The following ME3 variants were observed in gnomAD, a reference collection of about 807,000 sequenced individuals.
ME3 encodes NADP-dependent malic enzyme, mitochondrial.
A neutral mutation model predicts 68.9 loss-of-function variants in ME3; 48 were observed. The ratio of observed to expected loss-of-function variants is 0.70; its 90% CI spans 0.55 to 0.89. The LOEUF is 0.89. Ranked by LOEUF, ME3 falls within the 40% of genes least tolerant of loss-of-function variation. The pLI is 0.00. For missense variants in ME3, 675 were observed against 797.4 expected, an observed-to-expected ratio of 0.85 and a Z score of 1.85; for synonymous variants, 320 against 318.8, an observed-to-expected ratio of 1.00 and a Z score of -0.04.
At chr11:86,469,856 T>G (rs2138778249) in intron 7 of ME3, among the ~76,000 whole-genome samples, 1 of 151,844 alleles carries the variant, frequency 6.6e-6, no homozygotes, top group Non-Finnish European at 1.5e-5. Context: ...TTTTGTTTTT[T>G]TTTTTTTCCC....
intron 7 of ME3, among the ~76,000 whole-genome samples, chr11:86,469,634 T>C (rs661328): frequency 0.31 from 46,965 of 152,004 alleles, 7,549 homozygotes; most frequent in Non-Finnish European, 0.33. Flanking sequence ...CTCTTCACCC[T>C]CCAGCCCTGG....
chr11:86,493,420 C>G (rs1405823518), intron 6 of ME3, among the ~76,000 whole-genome samples: 1 of 152,222 alleles, frequency 6.6e-6, no homozygotes, highest in African/African-American at 2.4e-5. Flanking sequence ...CCCGGGATTC[C>G]CCCACCCTGC....
chr11:86,447,855 C>CA (rs35352939), intron 11 of ME3, among the ~76,000 whole-genome samples: 32,657 of 119,672 alleles, frequency 0.27, 5,095 homozygotes, highest in Non-Finnish European at 0.35. Context: ...TAAACTCTGT[C>CA]AAAAAAAAAA....
chr11:86,550,854 T>A (rs546629954), intron 4 of ME3, among the ~76,000 whole-genome samples: 1 of 151,990 alleles, frequency 6.6e-6, no homozygotes, highest in East Asian at 1.9e-4. Flanking sequence ...TTTTCCAGAG[T>A]GGCTTTGATC....
At chr11:86,589,082 A>G (rs1189927461) in intron 2 of ME3, among the ~76,000 whole-genome samples, 1 of 152,210 alleles carries the variant, frequency 6.6e-6, no homozygotes, top group Admixed American at 6.5e-5. Flanking sequence ...GGTTGGGAAG[A>G]AATCTCATTG....
intron 7 of ME3, among the ~76,000 whole-genome samples, chr11:86,484,586 T>C (rs538220105): frequency 6.6e-6 from 1 of 152,328 alleles, no homozygotes; most frequent in East Asian, 1.9e-4. Flanking sequence ...TGAGGATAGT[T>C]TGAACAGCTT....
At chr11:86,532,172 G>A (rs1955298631) in intron 4 of ME3, among the ~76,000 whole-genome samples, 1 of 152,064 alleles carries the variant, frequency 6.6e-6, no homozygotes, top group Non-Finnish European at 1.5e-5. Context: ...CATCAAGAGG[G>A]TGTAACTTCT....
chr11:86,540,878 G>C (rs1420013806), intron 4 of ME3, among the ~76,000 whole-genome samples: 1 of 152,186 alleles, frequency 6.6e-6, no homozygotes, highest in Non-Finnish European at 1.5e-5. Flanking sequence ...GCTCCAGTCT[G>C]TAGCTCCCAG....
At chr11:86,501,175 T>TATAATAATAATAATAATAATAGTA (rs5793199) in intron 5 of ME3, among the ~76,000 whole-genome samples, 1 of 147,138 alleles carries the variant, frequency 6.8e-6, no homozygotes, top group South Asian at 2.1e-4. Flanking sequence ...ATAAAATGCA[T>TATAATAATAATAATAATAATAGTA]ATAATAATAA....
intron 7 of ME3, among the ~76,000 whole-genome samples, chr11:86,475,872 T>TAGAGAGAGAGAGAG (rs1317802075): frequency 2.4e-4 from 25 of 103,738 alleles, no homozygotes; most frequent in South Asian, 6.5e-4. Flanking sequence ...TATATATATA[T>TAGAGAGAGAGAGAG]ATAGAGAGAG....
chr11:86,504,337 A>G (rs1040359414), intron 5 of ME3, among the ~76,000 whole-genome samples: 1 of 147,968 alleles, frequency 6.8e-6, no homozygotes, highest in Non-Finnish European at 1.5e-5. Flanking sequence ...CAGACAAGTC[A>G]CTTAACCTCA....
intron 8 of ME3, among the ~76,000 whole-genome samples, chr11:86,459,390 A>T (rs938765848): frequency 1.3e-5 from 2 of 152,092 alleles, no homozygotes; most frequent in African/African-American, 2.4e-5. Context: ...TCCCTCCCGT[A>T]TCTGTGTGTC....
At chr11:86,609,841 T>C (rs1374079919) in intron 2 of ME3, among the ~76,000 whole-genome samples, 8 of 152,186 alleles carry the variant, frequency 5.3e-5, no homozygotes, top group African/African-American at 1.9e-4. Flanking sequence ...TAAAACCAAA[T>C]GTATAAAATG....
intron 4 of ME3, among the ~76,000 whole-genome samples, chr11:86,538,292 C>T (rs1353039492): frequency 2.0e-5 from 3 of 152,152 alleles, no homozygotes; most frequent in Non-Finnish European, 2.9e-5. Flanking sequence ...CTGCTACTTG[C>T]TTGTCATATG....
chr11:86,605,306 C>A (rs759386014), intron 2 of ME3, among the ~76,000 whole-genome samples: 1 of 152,174 alleles, frequency 6.6e-6, no homozygotes, highest in Non-Finnish European at 1.5e-5. Context: ...CCTATGCCAC[C>A]GGTTCCTCCT....
Position 86,555,016 on chromosome 11 carries a change from AGAAGTTGACCCTTGGG to A in ME3, c.467+1521_467+1536del, listed in dbSNP as rs1956860476. Among the ~76,000 whole-genome samples the A allele has an allele frequency of 1.3e-5, 2 of 152,206 alleles. 1 individual carries two copies. The highest frequency in any genetic ancestry group is 4.8e-5 in the African/African-American group (2 of 41,442). On this transcript the variant is annotated intron_variant, in intron 4 of 14. Coordinates refer to ENST00000543262, the Ensembl canonical transcript of ME3. The stretch of plus-strand genomic sequence containing the variant: ...GAGGGGATGGGGGAGGGCTCCGTGG[AGAAGTTGACCCTTGGG>A]GTGGGCCTTGAAGGATAACCAGAAT...
intron 8 of ME3, among the ~76,000 whole-genome samples, chr11:86,462,015 A>C (rs534950202): frequency 2.0e-5 from 3 of 152,250 alleles, no homozygotes; most frequent in Non-Finnish European, 2.9e-5. Context: ...GAGGCAAGAC[A>C]CAAAAACCAA....
chr11:86,522,884 G>T (rs1399666860), intron 4 of ME3, among the ~76,000 whole-genome samples: 2 of 152,150 alleles, frequency 1.3e-5, no homozygotes, highest in African/African-American at 4.8e-5. Flanking sequence ...AAAGTATATT[G>T]TAGGATATGT....
At chr11:86,615,553 T>A (rs1436647798) in intron 2 of ME3, among the ~76,000 whole-genome samples, 1 of 152,214 alleles carries the variant, frequency 6.6e-6, no homozygotes, top group East Asian at 1.9e-4. Context: ...GGATGACTTA[T>A]CAAGATCACA....
Sources: allele counts gnomAD v4.1 joint callset (sites outside exome capture counted in the v4.1 genomes callset), GRCh38; gene constraint gnomAD v4.1.1; transcripts MANE v1.5; gene names NCBI Gene and HGNC (gene_info 2026-07-23, HGNC 2026-07-21).